Variants in FAM107B observed in about 807,000 individuals in gnomAD.
FAM107B encodes family with sequence similarity 107 member B.
A neutral mutation model predicts 31.5 loss-of-function variants in FAM107B; 21 were observed. The ratio of observed to expected loss-of-function variants is 0.67; its 90% CI spans 0.47 to 0.96. The LOEUF is 0.96. Ranked by LOEUF, FAM107B falls within the 40% of genes least tolerant of loss-of-function variation. The pLI is 0.00. For synonymous variants in FAM107B, 157 were observed against 141.5 expected (o/e 1.11, Z -0.78); for missense variants, 452 against 377.1 (o/e 1.20, Z -1.64).
At chr10:14,599,307 C>A (rs994063507) in intron 2 of FAM107B, among the ~76,000 whole-genome samples, 1 of 152,180 alleles carries the variant, frequency 6.6e-6, no homozygotes, top group African/African-American at 2.4e-5. Flanking sequence ...GCCTGCTGAG[C>A]AGCCCAGAGG....
At chr10:14,704,165 T>C (rs1389986394) in intron 1 of FAM107B, among the ~76,000 whole-genome samples, 2 of 152,184 alleles carry the variant, frequency 1.3e-5, no homozygotes, top group Non-Finnish European at 2.9e-5. Context: ...GAATGTTAAA[T>C]GCCCTTAGAG....
rs190802480 is a variant in FAM107B at position 14,546,616 on chromosome 10, C to G, written c.470-16101G>C. 1.8e-4 allele frequency among the ~76,000 whole-genome samples: 27 copies of G among 152,304 alleles called. 1 individual carries two copies. Among genetic ancestry groups the G allele is most frequent in the Admixed American group, 1.6e-3 (24 of 15,302 alleles). On this transcript the variant is annotated intron_variant, in intron 2 of 4. Transcript: ENST00000181796. ...TAAAATTTGCATTATTACCATTGAG[C>G]AGCTACAATGTTTAAAAACCAGTGA... is the stretch of plus-strand genomic sequence containing the variant.
chr10:14,530,969 T>G (rs1250167571), intron 2 of FAM107B, among the ~76,000 whole-genome samples: 1 of 152,246 alleles, frequency 6.6e-6, no homozygotes, highest in Non-Finnish European at 1.5e-5. Flanking sequence ...CTTGCCTATC[T>G]TACTGGAGTT....
At chr10:14,730,419 A>C (rs769492412) in intron 1 of FAM107B, among the ~76,000 whole-genome samples, 4 of 152,190 alleles carry the variant, frequency 2.6e-5, no homozygotes, top group African/African-American at 9.7e-5. Flanking sequence ...AATTGGATTT[A>C]TAGGCAGATA....
At chr10:14,716,809 G>A (rs534356556) in intron 1 of FAM107B, among the ~76,000 whole-genome samples, 5 of 152,258 alleles carry the variant, frequency 3.3e-5, no homozygotes, top group Admixed American at 6.5e-5. Context: ...AATGACTTGC[G>A]CCAGGCACAG....
chr10:14,572,096 T>A (rs1851274446), intron 2 of FAM107B: 31 of 985,310 alleles, frequency 3.1e-5, no homozygotes, highest in Non-Finnish European at 3.6e-5. Context: ...GAGCCACAGT[T>A]CAAGTTCAAA....
intron 2 of FAM107B, among the ~76,000 whole-genome samples, chr10:14,659,546 C>T (rs753930155): frequency 9.2e-5 from 14 of 152,100 alleles, no homozygotes; most frequent in Non-Finnish European, 1.8e-4. Context: ...TTCTTTTTTT[C>T]TCACCTTCCT....
chr10:14,723,440 G>A (rs1208089307), intron 1 of FAM107B: 4 of 555,332 alleles, frequency 7.2e-6, no homozygotes, highest in East Asian at 8.9e-5. Flanking sequence ...TCTTCAGGAT[G>A]TCTGTACAAG....
chr10:14,620,670 A>C (rs1031951231), intron 2 of FAM107B, among the ~76,000 whole-genome samples: 1 of 152,170 alleles, frequency 6.6e-6, no homozygotes, highest in Non-Finnish European at 1.5e-5. Context: ...TCCTAATGCT[A>C]TCCCTCTCCC....
chr10:14,675,502 C>G (rs1013818148), intron 1 of FAM107B, among the ~76,000 whole-genome samples: 2 of 152,094 alleles, frequency 1.3e-5, no homozygotes, highest in Admixed American at 6.5e-5. Context: ...TTGTCTCCAC[C>G]TGTTGCAACA....
At chr10:14,728,834 T>C (rs1259311466) in intron 1 of FAM107B, among the ~76,000 whole-genome samples, 2 of 152,216 alleles carry the variant, frequency 1.3e-5, no homozygotes, top group Non-Finnish European at 2.9e-5. Context: ...ATTTTTCTCT[T>C]TAATTTTTGA....
rs76546786 is a variant in FAM107B, at chr10:14,577,753, T to G, written c.470-47238A>C. ...CACAGGTCCACATTAATAACCATGA[T>G]GAAGCAGGCCCAATGTTTTTAACCC... is the stretch of plus-strand genomic sequence containing the variant. On this transcript the variant is annotated intron_variant, in intron 2 of 4. Transcript: ENST00000181796. 2.6e-3 allele frequency among the ~76,000 whole-genome samples: 397 copies of G among 152,328 alleles called. 7 individuals carry two copies. Among genetic ancestry groups the G allele is most frequent in the African/African-American group, 9.0e-3 (373 of 41,576 alleles).
chr10:14,683,417 G>A (rs1854890303), intron 1 of FAM107B, among the ~76,000 whole-genome samples: 1 of 152,288 alleles, frequency 6.6e-6, no homozygotes, highest in Admixed American at 6.5e-5. Context: ...AGAGCCACAG[G>A]CCAAGAAAGC....
rs1263962126 is a variant in FAM107B at position 14,752,506 on chromosome 10, G to A, written c.411+21747C>T. On this transcript the variant is annotated intron_variant, in intron 1 of 4. Coordinates refer to ENST00000181796, the MANE Select transcript of FAM107B (RefSeq NM_031453.4). ...AGTAAACCTCGGTTGTGAATAAGAA[G>A]AGTTTTAGTATAGGACGCAAACTGT... 4.6e-5 allele frequency among the ~76,000 whole-genome samples: 7 copies of A among 152,226 alleles called. No individual in the cohort carries two copies. In the East Asian group the frequency reaches 7.7e-4, roughly 17 times the overall value.
chr10:14,611,762 G>A (rs929315426), intron 2 of FAM107B, among the ~76,000 whole-genome samples: 1 of 151,580 alleles, frequency 6.6e-6, no homozygotes, highest in African/African-American at 2.4e-5. Context: ...TCTTGGCAGG[G>A]CTCATAGTTC....
chr10:14,685,568 A>G (rs1363755810), intron 1 of FAM107B, among the ~76,000 whole-genome samples: 1 of 152,156 alleles, frequency 6.6e-6, no homozygotes, highest in African/African-American at 2.4e-5. Flanking sequence ...CTCGTGAGCC[A>G]TTAAGGGAGT....
At chr10:14,708,690 G>A (rs976752939) in intron 1 of FAM107B, among the ~76,000 whole-genome samples, 3 of 152,124 alleles carry the variant, frequency 2.0e-5, no homozygotes, top group African/African-American at 7.2e-5. Flanking sequence ...TTAAGATAAT[G>A]AAAAGACAAG....
At chr10:14,692,330 T>C (rs928268158) in intron 1 of FAM107B, among the ~76,000 whole-genome samples, 1 of 152,154 alleles carries the variant, frequency 6.6e-6, no homozygotes, top group African/African-American at 2.4e-5. Context: ...TATTGGAGAT[T>C]GGGGTATTCG....
At chr10:14,762,886 T>G (rs550132101) in intron 1 of FAM107B, among the ~76,000 whole-genome samples, 14 of 152,142 alleles carry the variant, frequency 9.2e-5, no homozygotes, top group Admixed American at 9.2e-4. Context: ...TTACCCCCAT[T>G]TGATTAGAAG....
Sources: gnomAD v4.1 joint callset for allele counts (sites outside exome capture counted in the v4.1 genomes callset) on GRCh38, gnomAD v4.1.1 for gene constraint, MANE v1.5 for transcripts, NCBI Gene and HGNC (gene_info 2026-07-23, HGNC 2026-07-21) for gene names.